Variants in ITGA9 observed in about 807,000 individuals in gnomAD.
ITGA9 encodes the protein integrin alpha-9.
A neutral mutation model predicts 127.8 loss-of-function variants in ITGA9; 56 were observed. That is an observed-to-expected ratio of 0.44 (90% CI 0.35 to 0.55). The LOEUF is 0.55. Ranked by LOEUF, ITGA9 falls within the 20% of genes least tolerant of loss-of-function variation. ITGA9 has a pLI of 0.00. For synonymous variants in ITGA9, 508 were observed against 514.5 expected (o/e 0.99, Z 0.17); for missense variants, 1,196 against 1,347.1 (o/e 0.89, Z 1.76).
chr3:37,483,004 C>T (rs1698572034), intron 4 of ITGA9, among the ~76,000 whole-genome samples: 1 of 152,142 alleles, frequency 6.6e-6, no homozygotes, highest in Admixed American at 6.5e-5. Context: ...TTTCCACTGC[C>T]CCAGTTTACT....
chr3:37,609,476 A>G (rs1471332448), intron 15 of ITGA9, among the ~76,000 whole-genome samples: 1 of 152,172 alleles, frequency 6.6e-6, no homozygotes, highest in Non-Finnish European at 1.5e-5. Context: ...CTTTTTTAAC[A>G]CTTATATGCA....
rs1448238223 is a variant in ITGA9 at position 37,476,370 on chromosome 3, T to TA, written c.420+2913dup. Among the ~76,000 whole-genome samples, 35 of 152,066 alleles carry TA rather than the reference T, an allele frequency of 2.3e-4. No homozygotes were observed. The East Asian group carries it at 6.6e-3, about 29-fold the overall frequency. Reference sequence around the variant, plus strand: ...CATTTATTGTTTTCCTTTTTTTTTTTAAATAGTGGCCCTCCTAATGGGTGT... The same window carrying TA: ...CATTTATTGTTTTCCTTTTTTTTTTTAAAATAGTGGCCCTCCTAATGGGTGT... On this transcript the variant is annotated intron_variant, in intron 3 of 27. Transcript: ENST00000264741.
At chr3:37,496,934 G>A (rs992482120) in intron 5 of ITGA9, among the ~76,000 whole-genome samples, 85 of 152,168 alleles carry the variant, frequency 5.6e-4, no homozygotes, top group Admixed American at 5.5e-3. Context: ...TTGGCAAATT[G>A]CACTTCAGAC....
rs1697500659 is a variant in ITGA9, at chr3:37,820,487, T to C, written c.*1498T>C. ...ACACTGCCCCTCCCCACCCCCTGAA[T>C]GTGTGAGTGCTGAGTTACGGCCTTC... On this transcript the variant is annotated 3_prime_UTR_variant, in exon 28 of 28. Coordinates refer to ENST00000264741, the MANE Select transcript of ITGA9 (RefSeq NM_002207.3). The C allele has an allele frequency of 6.6e-6, 1 of 152,322 alleles. No individual in the cohort carries two copies. The highest frequency in any genetic ancestry group is 6.5e-5 in the Admixed American group (1 of 15,280). The allele number at this position is 152,322 out of a possible 1,614,324, so 9.4% of individuals were successfully genotyped here. A position where few individuals can be genotyped will look rare whatever the true frequency, so the allele number is the denominator to read the frequency against.
chr3:37,551,317 T>C (rs1699376400), intron 15 of ITGA9, among the ~76,000 whole-genome samples: 2 of 152,206 alleles, frequency 1.3e-5, no homozygotes, highest in South Asian at 2.1e-4. Context: ...GCAGCCTCTC[T>C]GTACTCTGAA....
intron 26 of ITGA9, among the ~76,000 whole-genome samples, chr3:37,796,946 C>T (rs1013535444): frequency 3.9e-5 from 6 of 152,088 alleles, no homozygotes; most frequent in African/African-American, 1.2e-4. Context: ...CTGAAGTATA[C>T]AGCTGTGGTT....
In ITGA9 at chr3:37,777,587, A is replaced by C. The variant is rs1037537492; in HGVS notation, c.2667+70A>C. On this transcript the variant is annotated intron_variant, in intron 24 of 27. Coordinates refer to ENST00000264741, the MANE Select transcript of ITGA9 (RefSeq NM_002207.3). Reference sequence around the variant, plus strand: ...TCGGAAGACACCAGTTTTCTATTTGATATTTATTATTTCCTAAATCTGGTT... The same window carrying C: ...TCGGAAGACACCAGTTTTCTATTTGCTATTTATTATTTCCTAAATCTGGTT... 4.6e-6 allele frequency: 7 copies of C among 1,536,832 alleles called. No homozygotes were observed. In the African/African-American group the frequency reaches 9.6e-5, roughly 21 times the overall value.
intron 1 of ITGA9, among the ~76,000 whole-genome samples, chr3:37,457,667 A>G (rs1365414297): frequency 6.6e-6 from 1 of 152,186 alleles, no homozygotes; most frequent in Non-Finnish European, 1.5e-5. Context: ...TGCTTTCTCA[A>G]GCTCTCAAGA....
At chr3:37,731,940 G>A (rs776977778) in intron 18 of ITGA9, among the ~76,000 whole-genome samples, 6 of 152,114 alleles carry the variant, frequency 3.9e-5, no homozygotes, top group Admixed American at 1.3e-4. Flanking sequence ...TGTGAGTCCT[G>A]GAAATTGGAG....
chr3:37,456,462 T>C (rs975071016), intron 1 of ITGA9, among the ~76,000 whole-genome samples: 1 of 152,172 alleles, frequency 6.6e-6, no homozygotes, highest in African/African-American at 2.4e-5. Flanking sequence ...TGTAACACCC[T>C]GTGATATAAA....
At chr3:37,625,660 A>G (rs1273975810) in intron 15 of ITGA9, among the ~76,000 whole-genome samples, 1 of 152,180 alleles carries the variant, frequency 6.6e-6, no homozygotes, top group Non-Finnish European at 1.5e-5. Context: ...CCAGAGCCCT[A>G]AGCCTCTTTC....
At chr3:37,667,484 CAG>C (rs1358634215) in intron 17 of ITGA9, among the ~76,000 whole-genome samples, 1 of 152,172 alleles carries the variant, frequency 6.6e-6, no homozygotes, top group East Asian at 1.9e-4. Flanking sequence ...CGTCCACAGG[CAG>C]AGAGGATAAG....
intron 15 of ITGA9, among the ~76,000 whole-genome samples, chr3:37,622,264 AT>A (rs1281305222): frequency 6.8e-6 from 1 of 147,722 alleles, no homozygotes; most frequent in Non-Finnish European, 1.5e-5. Flanking sequence ...ATTTTTTTGT[AT>A]TTTTTAGTAG....
At chr3:37,462,438 A>G (rs1698325267) in intron 1 of ITGA9, among the ~76,000 whole-genome samples, 2 of 152,250 alleles carry the variant, frequency 1.3e-5, no homozygotes, top group South Asian at 4.1e-4. Context: ...AATACTTTCT[A>G]TATGCCAGAA....
At chr3:37,636,235 G>T (rs376384994) in intron 16 of ITGA9, among the ~76,000 whole-genome samples, 12 of 152,130 alleles carry the variant, frequency 7.9e-5, no homozygotes, top group East Asian at 5.8e-4. Context: ...TGAACTAGTT[G>T]ACAGTCCCAC....
intron 18 of ITGA9, among the ~76,000 whole-genome samples, chr3:37,705,377 A>C (rs1380622805): frequency 6.6e-6 from 1 of 152,196 alleles, no homozygotes; most frequent in East Asian, 1.9e-4. Context: ...ATGGAAGCTC[A>C]AGTTGTTAAA....
At chr3:37,813,820 G>T (rs914842139) in intron 27 of ITGA9, among the ~76,000 whole-genome samples, 2 of 152,148 alleles carry the variant, frequency 1.3e-5, no homozygotes, top group African/African-American at 4.8e-5. Flanking sequence ...ATCCAGAGCT[G>T]CATGTTCAAC....
intron 22 of ITGA9, 115 bp from the exon 23 acceptor site, chr3:37,750,347 A>G (rs1490929084): frequency 1.3e-6 from 1 of 743,040 alleles, no homozygotes; most frequent in African/African-American, 1.7e-5. Flanking sequence ...TCCAGATCCG[A>G]ACCTTAGAGT....
At chr3:37,652,438 C>T (rs186694206) in intron 16 of ITGA9, among the ~76,000 whole-genome samples, 2 of 152,338 alleles carry the variant, frequency 1.3e-5, no homozygotes, top group African/African-American at 4.8e-5. Context: ...ACAGGAATTT[C>T]CTCTTTTTTC....
Sources: allele counts gnomAD v4.1 joint callset (sites outside exome capture counted in the v4.1 genomes callset), GRCh38; gene constraint gnomAD v4.1.1; transcripts MANE v1.5; gene names NCBI Gene and HGNC (gene_info 2026-07-23, HGNC 2026-07-21).